Variants in CNTN5 observed in about 807,000 individuals in gnomAD.
The protein encoded by CNTN5 is contactin 5.
CNTN5 carries 77 observed loss-of-function variants against 129.1 expected under a neutral mutation model. That is an observed-to-expected ratio of 0.60 (90% CI 0.50 to 0.72). The LOEUF (loss-of-function observed/expected upper bound fraction) is 0.72, where lower values mean the gene tolerates loss of function less well. Among genes scored for constraint, CNTN5 ranks in the 30% least tolerant of loss-of-function variants. The pLI, the probability that CNTN5 is intolerant of heterozygous loss-of-function variation, is 0.00. For synonymous variants in CNTN5, 509 were observed against 465.6 expected, an observed-to-expected ratio of 1.09 and a Z score of -1.20; for missense variants, 1,478 against 1,328.8, an observed-to-expected ratio of 1.11 and a Z score of -1.75.
intron 3 of CNTN5, among the ~76,000 whole-genome samples, chr11:99,689,643 C>A (rs1953958024): frequency 6.7e-6 from 1 of 148,426 alleles, no homozygotes; most frequent in Non-Finnish European, 1.5e-5. Context: ...GAGATGGTAT[C>A]TCATTGTGGT....
chr11:99,093,184 C>T (rs142974194), intron 1 of CNTN5, among the ~76,000 whole-genome samples: 1 of 151,902 alleles, frequency 6.6e-6, no homozygotes, highest in South Asian at 2.1e-4. Context: ...TTAAACTTAC[C>T]AAGTTACACA....
In CNTN5 at chr11:99,969,992, C is replaced by T. The variant is rs141025905; in HGVS notation, c.877+12983C>T. On this transcript the variant is annotated intron_variant, in intron 8 of 24. Coordinates refer to ENST00000524871, the MANE Select transcript of CNTN5 (RefSeq NM_014361.4). ...CCCACAAACTAACTTCTGCAGCTGACATTTGTGCTATTAATTACATTACCT... is the reference window on the plus strand; with the variant it reads ...CCCACAAACTAACTTCTGCAGCTGATATTTGTGCTATTAATTACATTACCT... 6.7e-3 allele frequency among the ~76,000 whole-genome samples: 1,017 copies of T among 152,280 alleles called. 3 individuals are homozygous for T. Among genetic ancestry groups the T allele is most frequent in the Non-Finnish European group, 0.011 (714 of 68,000 alleles).
intron 7 of CNTN5, among the ~76,000 whole-genome samples, chr11:99,920,408 C>T (rs113807439): frequency 2.6e-5 from 4 of 152,280 alleles, no homozygotes; most frequent in African/African-American, 9.6e-5. Context: ...ATCTCCCTAA[C>T]ATACATCTCT....
At chr11:99,840,520 GA>G (rs60299337) in intron 4 of CNTN5, among the ~76,000 whole-genome samples, 13 of 146,018 alleles carry the variant, frequency 8.9e-5, no homozygotes, top group East Asian at 6.0e-4. Context: ...TCTTTTCTAA[GA>G]AAAAAAAAAG....
chr11:100,063,912 C>T (rs891879361), intron 10 of CNTN5, among the ~76,000 whole-genome samples: 2 of 151,846 alleles, frequency 1.3e-5, no homozygotes, highest in East Asian at 1.9e-4. Flanking sequence ...AAAAGTATGT[C>T]GGTTATCATG....
intron 3 of CNTN5, among the ~76,000 whole-genome samples, chr11:99,656,866 G>A (rs1234761620): frequency 6.6e-5 from 10 of 151,540 alleles, no homozygotes. Flanking sequence ...CCACCAGAAC[G>A]TATTTCTTTA....
chr11:99,149,743 C>A (rs1041965893), intron 1 of CNTN5, among the ~76,000 whole-genome samples: 1 of 151,956 alleles, frequency 6.6e-6, no homozygotes, highest in African/African-American at 2.4e-5. Flanking sequence ...TCACACATTT[C>A]TACAACTGGT....
intron 2 of CNTN5, among the ~76,000 whole-genome samples, chr11:99,328,012 C>G (rs1298183570): frequency 6.6e-6 from 1 of 152,072 alleles, no homozygotes; most frequent in East Asian, 1.9e-4. Context: ...AGGGAAACCT[C>G]TAAGTATCAA....
chr11:100,312,023 G>A (rs192086309), intron 21 of CNTN5, among the ~76,000 whole-genome samples: 28 of 152,044 alleles, frequency 1.8e-4, no homozygotes, highest in African/African-American at 6.3e-4. Flanking sequence ...ATAAATCAAC[G>A]AAAATTCTGA....
At chr11:100,311,641 A>G (rs1387479072) in intron 21 of CNTN5, among the ~76,000 whole-genome samples, 1 of 151,996 alleles carries the variant, frequency 6.6e-6, no homozygotes, top group Admixed American at 6.6e-5. Flanking sequence ...ACTAAGGAGG[A>G]GACACTGAAG....
intron 3 of CNTN5, among the ~76,000 whole-genome samples, chr11:99,615,754 CTTG>C (rs935298728): frequency 2.0e-5 from 3 of 147,850 alleles, no homozygotes; most frequent in East Asian, 1.9e-4. Context: ...TTTTACACAT[CTTG>C]TTTTTTTTTT....
At chr11:99,500,840 T>G (rs1946399579) in intron 2 of CNTN5, among the ~76,000 whole-genome samples, 1 of 152,182 alleles carries the variant, frequency 6.6e-6, no homozygotes, top group South Asian at 2.1e-4. Flanking sequence ...ATAAGTATGT[T>G]TATTTAAATA....
intron 16 of CNTN5, among the ~76,000 whole-genome samples, chr11:100,234,462 C>A (rs1949561165): frequency 6.6e-6 from 1 of 151,920 alleles, no homozygotes; most frequent in Admixed American, 6.6e-5. Flanking sequence ...TACTATACAG[C>A]CGTAAAAAAA....
At chr11:99,077,114 A>C (rs866233042) in intron 1 of CNTN5, among the ~76,000 whole-genome samples, 2 of 146,862 alleles carry the variant, frequency 1.4e-5, no homozygotes, top group Non-Finnish European at 3.0e-5. Context: ...TATTGAGTTT[A>C]TGTGGTCTTC....
chr11:100,119,509 G>A (rs1046825434), intron 13 of CNTN5, among the ~76,000 whole-genome samples: 2 of 151,734 alleles, frequency 1.3e-5, no homozygotes, highest in African/African-American at 4.8e-5. Context: ...CTTCCTAAAG[G>A]ATGATTCCTT....
At chr11:99,648,360 C>G (rs1591419817) in intron 3 of CNTN5, among the ~76,000 whole-genome samples, 1 of 151,596 alleles carries the variant, frequency 6.6e-6, no homozygotes, top group South Asian at 2.1e-4. Context: ...ATGAAAACCA[C>G]AATAAGCTGT....
At chr11:100,338,383 A>G (rs186491076) in intron 21 of CNTN5, among the ~76,000 whole-genome samples, 24 of 152,336 alleles carry the variant, frequency 1.6e-4, no homozygotes, top group Middle Eastern at 3.4e-3. Context: ...GCCACAGAGT[A>G]TAGCAGCACC....
At chr11:99,785,973 C>G (rs2135411143) in intron 3 of CNTN5, among the ~76,000 whole-genome samples, 1 of 152,200 alleles carries the variant, frequency 6.6e-6, no homozygotes, top group East Asian at 2.0e-4. Flanking sequence ...CTCACCACTC[C>G]TATTCAGCAC....
intron 9 of CNTN5, among the ~76,000 whole-genome samples, chr11:100,055,970 T>C (rs1482084464): frequency 2.0e-5 from 3 of 151,026 alleles, no homozygotes; most frequent in African/African-American, 7.4e-5. Flanking sequence ...ATGTATTTTC[T>C]GTCTCCCTTC....
Sources: gnomAD v4.1 joint callset for allele counts (sites outside exome capture counted in the v4.1 genomes callset) on GRCh38, gnomAD v4.1.1 for gene constraint, MANE v1.5 for transcripts, NCBI Gene and HGNC (gene_info 2026-07-23, HGNC 2026-07-21) for gene names.